NKAIN3: variants seen among roughly 807,000 people sequenced by gnomAD.
The protein encoded by NKAIN3 is sodium/potassium transporting ATPase interacting 3.
Under a neutral mutation model 30.2 loss-of-function variants are expected in NKAIN3, and 25 were observed. That is an observed-to-expected ratio of 0.83 (90% CI 0.60 to 1.16). NKAIN3 has a LOEUF of 1.16. NKAIN3 is among the 50% of genes most tolerant of loss of function. NKAIN3 has a pLI of 0.00. For synonymous variants in NKAIN3, 91 were observed against 89.6 expected (o/e 1.02, Z -0.09); for missense variants, 225 against 254.1 (o/e 0.89, Z 0.78).
At chr8:62,496,914 T>C (rs547171434) in intron 1 of NKAIN3, among the ~76,000 whole-genome samples, 1 of 152,132 alleles carries the variant, frequency 6.6e-6, no homozygotes, top group African/African-American at 2.4e-5. Flanking sequence ...ACTGGTGCAG[T>C]GATTCCCTAG....
chr8:62,488,959 G>A (rs1806985380), intron 1 of NKAIN3, among the ~76,000 whole-genome samples: 1 of 152,084 alleles, frequency 6.6e-6, no homozygotes, highest in Non-Finnish European at 1.5e-5. Flanking sequence ...CTAGCAAAAT[G>A]GCAGGCGTGC....
rs1824023720 is a variant in NKAIN3 at position 62,979,383 on chromosome 8, C to A, written c.*13976C>A. 1 of 152,144 alleles carries A rather than the reference C, an allele frequency of 6.6e-6. No individual in the cohort carries two copies. The highest frequency in any genetic ancestry group is 1.5e-5 in the Non-Finnish European group (1 of 68,044). The allele number at this position is 152,144 out of a possible 1,614,324, so 9.4% of individuals were successfully genotyped here. On this transcript the variant is annotated 3_prime_UTR_variant, in exon 7 of 7. Coordinates refer to ENST00000623646, the MANE Select transcript of NKAIN3 (RefSeq NM_001304533.3). ...TAGTGTTTGCAAATCTGGCAGCTGTCACTGATGATTTAAACAAGATTGGGT... is the reference window on the plus strand; with the variant it reads ...TAGTGTTTGCAAATCTGGCAGCTGTAACTGATGATTTAAACAAGATTGGGT...
chr8:62,839,735 C>G (rs1023570257), intron 4 of NKAIN3, among the ~76,000 whole-genome samples: 1 of 152,070 alleles, frequency 6.6e-6, no homozygotes, highest in African/African-American at 2.4e-5. Flanking sequence ...CCTGCCTCAG[C>G]CTCCTGAGTA....
chr8:62,567,456 T>C (rs113879116), intron 1 of NKAIN3, among the ~76,000 whole-genome samples: 1 of 152,308 alleles, frequency 6.6e-6, no homozygotes, highest in African/African-American at 2.4e-5. Context: ...GAAATTTTAC[T>C]TTACATGGCA....
intron 1 of NKAIN3, among the ~76,000 whole-genome samples, chr8:62,339,849 A>G (rs1171707458): frequency 1.3e-5 from 2 of 152,074 alleles, no homozygotes; most frequent in African/African-American, 2.4e-5. Context: ...AAAAAAATCT[A>G]ACATTTGCTG....
intron 4 of NKAIN3, among the ~76,000 whole-genome samples, chr8:62,805,913 G>A (rs1281260881): frequency 2.6e-5 from 4 of 152,104 alleles, no homozygotes; most frequent in African/African-American, 4.8e-5. Context: ...TCTGACAAAG[G>A]GCTAATATCC....
intron 3 of NKAIN3, among the ~76,000 whole-genome samples, chr8:62,608,132 A>G (rs1363206680): frequency 6.6e-6 from 1 of 152,100 alleles, no homozygotes; most frequent in Non-Finnish European, 1.5e-5. Context: ...TCTTCTTTTC[A>G]CCCTTTCTAT....
At chr8:62,925,371 A>G (rs1822404644) in intron 5 of NKAIN3, among the ~76,000 whole-genome samples, 1 of 152,176 alleles carries the variant, frequency 6.6e-6, no homozygotes, top group Admixed American at 6.5e-5. Flanking sequence ...CATTCCCTGT[A>G]CCACAGGAAA....
intron 4 of NKAIN3, among the ~76,000 whole-genome samples, chr8:62,805,374 A>G (rs1447839985): frequency 6.6e-6 from 1 of 151,882 alleles, no homozygotes; most frequent in Admixed American, 6.6e-5. Context: ...ACAAAGCTGG[A>G]GGCATCACAC....
intron 5 of NKAIN3, chr8:62,990,572 T>G: frequency 5.6e-6 from 1 of 179,030 alleles, no homozygotes; most frequent in Non-Finnish European, 1.1e-5. Context: ...TTCATGTGAA[T>G]TTCCCATTTT....
intron 5 of NKAIN3, among the ~76,000 whole-genome samples, chr8:62,937,818 C>G (rs1822834008): frequency 6.6e-6 from 1 of 152,080 alleles, no homozygotes; most frequent in Non-Finnish European, 1.5e-5. Flanking sequence ...AGTTCTCAGC[C>G]TTGCTTACTG....
At chr8:62,320,358 T>A (rs185661155) in intron 1 of NKAIN3, among the ~76,000 whole-genome samples, 4 of 152,210 alleles carry the variant, frequency 2.6e-5, no homozygotes, top group East Asian at 3.9e-4. Flanking sequence ...GTTATGTGTG[T>A]ATTTGATCCT....
chr8:62,371,188 T>C (rs1431572446), intron 1 of NKAIN3, among the ~76,000 whole-genome samples: 1 of 151,902 alleles, frequency 6.6e-6, no homozygotes, highest in Non-Finnish European at 1.5e-5. Context: ...TATTTTGTTG[T>C]TGTTTTAAAG....
rs1824021978 is a variant in NKAIN3, at chr8:62,979,289, T to C, written c.*13882T>C. On this transcript the variant is annotated 3_prime_UTR_variant, in exon 7 of 7. Transcript: ENST00000623646. The stretch of plus-strand genomic sequence containing the variant: ...AGACAGTGAAACAGAAACAGAGTCA[T>C]CTTCCAGGTTCTACTTATTAAGCAA... The C allele has an allele frequency of 6.6e-6, 1 of 152,174 alleles. No individual in the cohort carries two copies. The highest frequency in any genetic ancestry group is 1.5e-5 in the Non-Finnish European group (1 of 68,048). The allele number at this position is 152,174 out of a possible 1,614,324, so 9.4% of individuals were successfully genotyped here. A position where few individuals can be genotyped will look rare whatever the true frequency, so the allele number is the denominator to read the frequency against.
intron 4 of NKAIN3, among the ~76,000 whole-genome samples, chr8:62,810,456 C>A (rs752394116): frequency 2.0e-5 from 3 of 152,076 alleles, no homozygotes; most frequent in Admixed American, 6.6e-5. Context: ...GCTTTAAGGA[C>A]AACCACAAGT....
chr8:62,883,463 T>TTTTTTTTG (rs1821056086), intron 4 of NKAIN3, among the ~76,000 whole-genome samples: 15 of 114,476 alleles, frequency 1.3e-4, no homozygotes, highest in Admixed American at 1.2e-3. Context: ...ATGGGTTTTT[T>TTTTTTTTG]TTTTTTTTTT....
At chr8:62,571,211 C>T (rs1809926669) in intron 1 of NKAIN3, among the ~76,000 whole-genome samples, 2 of 150,800 alleles carry the variant, frequency 1.3e-5, no homozygotes, top group Admixed American at 6.6e-5. Context: ...TCTTGACTCA[C>T]TGCAACCTCT....
intron 4 of NKAIN3, among the ~76,000 whole-genome samples, chr8:62,870,299 T>TCTATAG (rs1820584931): frequency 9.1e-6 from 1 of 109,704 alleles, no homozygotes; most frequent in African/African-American, 3.9e-5. Flanking sequence ...TAGATATATA[T>TCTATAG]ACATCTATAT....
chr8:62,728,215 A>C (rs935822406), intron 3 of NKAIN3, among the ~76,000 whole-genome samples: 6 of 152,214 alleles, frequency 3.9e-5, no homozygotes, highest in African/African-American at 7.2e-5. Flanking sequence ...CTAGATCATC[A>C]GAGAAAGTCT....
Sources: allele counts gnomAD v4.1 joint callset (sites outside exome capture counted in the v4.1 genomes callset), GRCh38; gene constraint gnomAD v4.1.1; transcripts MANE v1.5; gene names NCBI Gene and HGNC (gene_info 2026-07-23, HGNC 2026-07-21).